The following CAMTA2 variants were observed in gnomAD, a reference collection of about 807,000 sequenced individuals.
CAMTA2 encodes the protein calmodulin binding transcription activator 2.
Under a neutral mutation model 135.7 loss-of-function variants are expected in CAMTA2, and 56 were observed. That is an observed-to-expected ratio of 0.41 (90% CI 0.33 to 0.52). The LOEUF is 0.52. CAMTA2 is among the 20% of genes least tolerant of loss of function. CAMTA2 has a pLI of 0.16. For missense variants in CAMTA2, 1,358 were observed against 1,553.4 expected (o/e 0.87, Z 2.11); for synonymous variants, 591 against 604.6 (o/e 0.98, Z 0.33).
intron 1 of CAMTA2, 199 bp downstream of exon 1, chr17:4,987,394 C>T: frequency 1.5e-6 from 2 of 1,369,194 alleles, no homozygotes; most frequent in African/African-American, 3.1e-5. Flanking sequence ...CGGGACAGTC[C>T]CCGGCACGCG....
In CAMTA2 at chr17:4,986,224, G is replaced by T. The variant is rs374363604; in HGVS notation, c.-2C>A. On this transcript the variant is annotated 5_prime_UTR_variant, in exon 2 of 23. Transcript: ENST00000348066. ...CTCGGTGGTGTCCTTGGTATTCATG[G>T]TGAGGGCTCCAGGGGGCAAGGTCAC... is the stretch of plus-strand genomic sequence containing the variant. The T allele has an allele frequency of 6.2e-6, 10 of 1,608,914 alleles. No homozygotes were observed. In the African/African-American group the frequency reaches 1.3e-4, roughly 21 times the overall value.
At chr17:4,983,101 C>T in intron 3 of CAMTA2, 58 bp from the exon 4 acceptor site, 2 of 1,427,594 alleles carry the variant, frequency 1.4e-6, no homozygotes, top group Non-Finnish European at 2.0e-6. Flanking sequence ...TCAGCCTGGC[C>T]TCTTGGTCAT....
In CAMTA2 at chr17:4,970,363, A is replaced by G; in HGVS notation, c.2982T>C (p.His994=). ...WLASYLENVD[H]FPSSTPPSEL... is the part of the protein sequence containing the mutation. ...ACCTGGGAGGGGTTGAGCTGGGGAA[A>G]TGGTCCACATTCTCCAGGTAGCTGG... Residue 994 remains histidine (H), a synonymous_variant, in exon 17 of 23, where the codon CAT becomes CAC. Coordinates refer to ENST00000348066, the MANE Select transcript of CAMTA2 (RefSeq NM_015099.4). 1 of 1,614,186 alleles carries G rather than the reference A, an allele frequency of 6.2e-7. No homozygotes were observed. The highest frequency in any genetic ancestry group is 8.5e-7 in the Non-Finnish European group (1 of 1,180,020).
At chr17:4,982,733 G>A (rs777711633) in intron 5 of CAMTA2, 24 bp downstream of exon 5, 15 of 1,613,314 alleles carry the variant, frequency 9.3e-6, no homozygotes, top group Non-Finnish European at 1.3e-5. Context: ...TCGGGAAGAT[G>A]AGCTGAATAT....
chr17:4,970,570 G>A (rs374770503), intron 16 of CAMTA2, 34 bp from the exon 17 acceptor site: 41 of 1,586,414 alleles, frequency 2.6e-5, no homozygotes, highest in Non-Finnish European at 3.5e-5. Flanking sequence ...GAGTCCTTAG[G>A]GGCCCCAGCT....
At chr17:4,979,408 G>A in intron 9 of CAMTA2, 1 of 252,768 alleles carries the variant, frequency 4.0e-6, no homozygotes, top group Non-Finnish European at 7.5e-6. Context: ...TACTCAGGAG[G>A]CTGAGGCAGG....
At chr17:4,972,647 A>G in intron 15 of CAMTA2, 111 bp from the exon 16 acceptor site, 4 of 1,429,938 alleles carry the variant, frequency 2.8e-6, no homozygotes, top group Non-Finnish European at 3.9e-6. Context: ...TGCTTCTGTT[A>G]TCTCCCATCC....
At chr17:4,986,888 G>T in intron 1 of CAMTA2, 1 of 1,305,418 alleles carries the variant, frequency 7.7e-7, no homozygotes, top group Non-Finnish European at 1.1e-6. Context: ...CCGGCTGACA[G>T]CCCTCTCTAC....
At chr17:4,970,313 C>G in intron 17 of CAMTA2, 27 bp downstream of exon 17, 1 of 1,610,708 alleles carries the variant, frequency 6.2e-7, no homozygotes, top group Admixed American at 1.7e-5. Flanking sequence ...TTTGAAGAAT[C>G]TGGAGGCTTT....
rs773381991 is a variant in CAMTA2 at position 4,982,984 on chromosome 17, T to C, written c.195A>G (p.Pro65=). 1 of 1,614,110 alleles carries C rather than the reference T, an allele frequency of 6.2e-7. No homozygotes were observed. Among genetic ancestry groups the C allele is most frequent in the South Asian group, 1.1e-5 (1 of 91,082 alleles). ...TTCTCAAACTTTCTCACCTTGTCTTTGGGGCACAAGACAGCCACTCATCAT... is the reference window on the plus strand; with the variant it reads ...TTCTCAAACTTTCTCACCTTGTCTTCGGGGCACAAGACAGCCACTCATCAT... ...EKHDEWLSCA[P]KTRPQNGSII... Residue 65 remains proline (P), a synonymous_variant, in exon 4 of 23, where the codon CCA becomes CCG. Transcript: ENST00000348066.
chr17:4,985,077 T>C (rs923591531), intron 3 of CAMTA2, among the ~76,000 whole-genome samples: 1 of 150,568 alleles, frequency 6.6e-6, no homozygotes, highest in African/African-American at 2.5e-5. Context: ...TCCCAGCTAC[T>C]TGGGAGGCTG....
intron 1 of CAMTA2, chr17:4,987,171 CGGAGCG>C: frequency 7.4e-7 from 1 of 1,344,576 alleles, no homozygotes; most frequent in South Asian, 1.9e-5. Context: ...TGCCAGGGTG[CGGAGCG>C]GGAGCGGGTC....
At chr17:4,982,679 C>T (rs1597773452) in intron 5 of CAMTA2, 78 bp downstream of exon 5, 1 of 1,526,126 alleles carries the variant, frequency 6.6e-7, no homozygotes, top group East Asian at 2.3e-5. Flanking sequence ...TGCCACCAAG[C>T]CCAGGTCGGG....
At chr17:4,981,414 A>G in intron 7 of CAMTA2, 55 bp from the exon 8 acceptor site, 1 of 1,593,546 alleles carries the variant, frequency 6.3e-7, no homozygotes, top group Non-Finnish European at 8.6e-7. Flanking sequence ...GCCCCAGAGT[A>G]CCTTGATGGC....
At position 4,968,914 on chromosome 17, in the gene CAMTA2, G is replaced by C. The variant is rs747840253; in HGVS notation, c.3538C>G (p.Arg1180Gly). ...GGGAGAAGGGATGAGTACCTGTGTC[G>C]GCAGCGCCGCAGGAATCTCATGATC... ...RKIMRFLRRC[R>G]HRMRELKQNQ... Residue 1180 changes from arginine to glycine, a missense_variant, in exon 22 of 23, where the codon CGA becomes GGA. Transcript: ENST00000348066. 4.0e-5 allele frequency: 64 copies of C among 1,613,996 alleles called. No homozygotes were observed. The highest frequency in any genetic ancestry group is 5.4e-5 in the Non-Finnish European group (64 of 1,179,986).
chr17:4,972,448 G>C lies in CAMTA2; in HGVS notation c.2592C>G (p.Pro864=), dbSNP rs758145052. The C allele has an allele frequency of 3.1e-6, 5 of 1,613,650 alleles. No individual in the cohort carries two copies. Among genetic ancestry groups the C allele is most frequent in the Non-Finnish European group, 4.2e-6 (5 of 1,179,766 alleles). The change falls in exon 16 of 23, where the codon CCC becomes CCG. Residue 864 remains proline, a synonymous_variant. Transcript: ENST00000348066. ...SAYSSAPDGS[P]PPAPLPASEM... ...CAGAGGCTGGCAGAGGTGCAGGGGG[G>C]GGACTGCCATCTGGGGCACTAGAAT...
Position 4,973,201 on chromosome 17 carries a change from C to T in CAMTA2, c.2254G>A (p.Val752Met), listed in dbSNP as rs200135418. 7.2e-5 allele frequency: 116 copies of T among 1,614,026 alleles called. No homozygotes were observed. Among genetic ancestry groups the T allele is most frequent in the Middle Eastern group, 1.6e-4 (1 of 6,084 alleles). Residue 752 changes from valine (V) to methionine (M), a missense_variant, in exon 14 of 23, where the codon GTG becomes ATG. Around this residue, in one of 4 missense-constraint regions of CAMTA2, gnomAD observed 1,077 missense variants for 1,127.5 expected, o/e 0.96. Coordinates refer to ENST00000348066, the MANE Select transcript of CAMTA2 (RefSeq NM_015099.4). ...AGAGGGGTGCAAGAGAAATGATCCA[C>T]GTTGAGCGGGTCAACCTCCTGCTCT... ...DLEQEVDPLN[V>M]DHFSCTPLMW...
At position 4,972,441 on chromosome 17, in the gene CAMTA2, CA is replaced by C. The variant is rs1223566428; in HGVS notation, c.2598del (p.Ala867HisfsTer8). The C allele has an allele frequency of 7.4e-6, 12 of 1,613,646 alleles. No homozygotes were observed. Among genetic ancestry groups the C allele is most frequent in the African/African-American group, 2.7e-5 (2 of 74,902 alleles). On this transcript the variant is annotated frameshift_variant, in exon 16 of 23. Transcript: ENST00000348066. LOFTEE classifies it high-confidence loss of function. ...GTCATCTCAGAGGCTGGCAGAGGTGCAGGGGGGGGACTGCCATCTGGGGCAC... is the reference window on the plus strand; with the variant it reads ...GTCATCTCAGAGGCTGGCAGAGGTGCGGGGGGGGACTGCCATCTGGGGCAC... ...YSSAPDGSPPPAPLPASEMTM... is the reference protein window; with the variant it reads ...YSSAPDGSPPXAPLPASEMTM...
rs1972089756 is a variant in CAMTA2 at position 4,968,974 on chromosome 17, A to G, written c.3478T>C (p.Phe1160Leu). 1 of 1,614,004 alleles carries G rather than the reference A, an allele frequency of 6.2e-7. No individual in the cohort carries two copies. The highest frequency in any genetic ancestry group is 1.7e-5 in the Admixed American group (1 of 59,984). ...GCCTGGTCCTGCTTCTTGGTGAGAA[A>G]GGAGCCTCTGGTGAAAGAAACAAAA... is the stretch of plus-strand genomic sequence containing the variant. ...ATLPARNKGSFLTKKQDQAAR... is the reference protein window; with the variant it reads ...ATLPARNKGSLLTKKQDQAAR... The change falls in exon 22 of 23, where the codon TTT becomes CTT. Residue 1160 changes from phenylalanine (F) to leucine (L), a missense_variant. By Grantham distance (22) the Phe-to-Leu change is conservative. This residue lies in a region of CAMTA2 where 167 missense variants were observed against 207.0 expected (regional missense o/e 0.81). Coordinates refer to ENST00000348066, the MANE Select transcript of CAMTA2 (RefSeq NM_015099.4).
Sources: allele counts gnomAD v4.1 joint callset (sites outside exome capture counted in the v4.1 genomes callset), GRCh38; gene constraint gnomAD v4.1.1; regional missense constraint gnomAD v4.1.1; transcripts MANE v1.5; gene names NCBI Gene and HGNC (gene_info 2026-07-23, HGNC 2026-07-21).